Variants in FMO2 observed in about 807,000 individuals in gnomAD.
FMO2 encodes the protein flavin containing dimethylaniline monoxygenase 2.
Under a neutral mutation model 41.6 loss-of-function variants are expected in FMO2, and 33 were observed. The observed-to-expected ratio is 0.79, with a 90% confidence interval of 0.60 to 1.06. The LOEUF (loss-of-function observed/expected upper bound fraction) is 1.06, where lower values mean the gene tolerates loss of function less well. Among genes scored for constraint, FMO2 ranks in the 50% least tolerant of loss-of-function variants. The probability of loss-of-function intolerance (pLI) is 0.00; values close to 1 mark genes in which losing one functional copy is unlikely to be tolerated. For synonymous variants in FMO2, 214 were observed against 219.6 expected (o/e 0.97, Z 0.23); for missense variants, 619 against 632.9 (o/e 0.98, Z 0.23).
At chr1:171,187,161 G>A (rs900934595) in intron 2 of FMO2, among the ~76,000 whole-genome samples, 3 of 152,198 alleles carry the variant, frequency 2.0e-5, no homozygotes, top group African/African-American at 4.8e-5. Flanking sequence ...TTACAACCAT[G>A]CCCTAACTTG....
At chr1:171,201,623 C>T (rs997640211) in intron 5 of FMO2, among the ~76,000 whole-genome samples, 3 of 152,154 alleles carry the variant, frequency 2.0e-5, no homozygotes, top group Non-Finnish European at 4.4e-5. Context: ...AATCCAAAAG[C>T]ACCACTCAAG....
rs1239734951 is a variant in FMO2, at chr1:171,212,610, T to C, written c.*3465T>C. ...AAAAATAAAGATATTTTAAACAAAATACTAGGGCCATGGTATGTAATAAAA... is the reference window on the plus strand; with the variant it reads ...AAAAATAAAGATATTTTAAACAAAACACTAGGGCCATGGTATGTAATAAAA... On this transcript the variant is annotated 3_prime_UTR_variant, in exon 9 of 9. Transcript: ENST00000209929. Among the ~76,000 whole-genome samples the C allele has an allele frequency of 2.6e-5, 4 of 152,136 alleles. No homozygotes were observed. The highest frequency in any genetic ancestry group is 9.7e-5 in the African/African-American group (4 of 41,428).
chr1:171,189,089 T>C (rs900173885), intron 2 of FMO2: 14 of 152,326 alleles, frequency 9.2e-5, no homozygotes, highest in African/African-American at 3.4e-4. Flanking sequence ...TTCGGAGCTG[T>C]CACACTTAAT....
chr1:171,203,369 C>A (rs533591644), intron 5 of FMO2, among the ~76,000 whole-genome samples: 5 of 149,218 alleles, frequency 3.4e-5, no homozygotes, highest in African/African-American at 5.0e-5. Flanking sequence ...AAAATAAAGT[C>A]TTTTAAGTAT....
chr1:171,205,570 G>A lies in FMO2; in HGVS notation c.1119G>A (p.Gln373=), dbSNP rs760514234. The change falls in exon 7 of 9, where the codon CAG becomes CAA. Residue 373 remains glutamine (Q), a synonymous_variant. Coordinates refer to ENST00000209929, the MANE Select transcript of FMO2 (RefSeq NM_001460.5). ...KSTLACIGLI[Q]PLGSIFPTAE... ...CCCTCGCGTGCATTGGTCTCATCCA[G>A]CCCCTAGGTTCCATTTTCCCAACTG... 2 of 1,613,524 alleles carry A rather than the reference G, an allele frequency of 1.2e-6. No homozygotes were observed. The highest frequency in any genetic ancestry group is 1.7e-5 in the Admixed American group (1 of 59,898).
intron 2 of FMO2, among the ~76,000 whole-genome samples, chr1:171,191,945 G>GGAA (rs28369836): frequency 0.98 from 148,457 of 151,334 alleles, 72,825 homozygotes; most frequent in Middle Eastern, 1. Flanking sequence ...GGTTGAGGTG[G>GGAA]GATCACCTGA....
chr1:171,193,528 T>C lies in FMO2; in HGVS notation c.321+5T>C, dbSNP rs1329335417. Reference sequence around the variant, plus strand: ...CTAAAATATATTCAGTTCCAGGTATTGTATTTTTGGGGAAATGGGTTTCTC... The same window carrying C: ...CTAAAATATATTCAGTTCCAGGTATCGTATTTTTGGGGAAATGGGTTTCTC... On this transcript the variant is annotated splice_donor_5th_base_variant and intron_variant, in intron 3 of 8. Transcript: ENST00000209929. 1 of 1,577,950 alleles carries C rather than the reference T, an allele frequency of 6.3e-7. No homozygotes were observed. The highest frequency in any genetic ancestry group is 8.7e-7 in the Non-Finnish European group (1 of 1,153,046).
rs1657813488 is a variant in FMO2, at chr1:171,185,721, A to G, written c.8A>G (p.Lys3Arg). 6.2e-7 allele frequency: 1 copy of G among 1,613,738 alleles called. No homozygotes were observed. The highest frequency in any genetic ancestry group is 8.5e-7 in the Non-Finnish European group (1 of 1,179,716). The change falls in exon 2 of 9, where the codon AAG (lysine) becomes AGG (arginine). Residue 3 changes from lysine (K) to arginine (R), a missense_variant. Lys to Arg is a conservative substitution (Grantham distance 26). Coordinates refer to ENST00000209929, the MANE Select transcript of FMO2 (RefSeq NM_001460.5). MA[K>R]KVAVIGAGVS... is the part of the protein sequence containing the mutation. ...ACTCCTTGACAGGAGCTGATGGCAA[A>G]GAAGGTAGCTGTGATTGGAGCTGGG...
rs1411473352 is a variant in FMO2 at position 171,212,270 on chromosome 1, C to T, written c.*3125C>T. ...AGCAAGTTTGGCTCCCTCTTTTCCT[C>T]ACACACTCTTTTTCCCTTCTGCCTT... On this transcript the variant is annotated 3_prime_UTR_variant, in exon 9 of 9. Coordinates refer to ENST00000209929, the MANE Select transcript of FMO2 (RefSeq NM_001460.5). Among the ~76,000 whole-genome samples the T allele has an allele frequency of 1.3e-5, 2 of 152,172 alleles. No individual in the cohort carries two copies. Among genetic ancestry groups the T allele is most frequent in the Non-Finnish European group, 2.9e-5 (2 of 68,036 alleles).
Position 171,207,797 on chromosome 1 carries a change from A to AT in FMO2, c.1256+15dup, listed in dbSNP as rs772381520. 62 of 1,535,864 alleles carry AT rather than the reference A, an allele frequency of 4.0e-5. No individual in the cohort carries two copies. Among genetic ancestry groups the AT allele is most frequent in the Middle Eastern group, 3.4e-4 (2 of 5,910 alleles). ...ATGAAAAAAGAATTGACCTGTAAGA[A>AT]TTTTTTTTAATTCTTTACATGAAGC... On this transcript the variant is annotated splice_region_variant and intron_variant, in intron 8 of 8. Coordinates refer to ENST00000209929, the MANE Select transcript of FMO2 (RefSeq NM_001460.5).
intron 2 of FMO2, among the ~76,000 whole-genome samples, chr1:171,190,925 C>A (rs1229030120): frequency 3.3e-5 from 5 of 152,160 alleles, no homozygotes; most frequent in Non-Finnish European, 5.9e-5. Flanking sequence ...GCAGGTGGAT[C>A]ACCTGAGGTC....
At chr1:171,196,897 C>A in intron 4 of FMO2, 86 bp downstream of exon 4, 3 of 1,228,598 alleles carry the variant, frequency 2.4e-6, no homozygotes, top group South Asian at 1.4e-5. Context: ...GGATTCATTG[C>A]TGCAACTGGG....
Position 171,198,464 on chromosome 1 carries a change from G to A in FMO2, c.485-882G>A, listed in dbSNP as rs1236849164. Reference sequence around the variant, plus strand: ...ACTGTCACCCAGACTGGAGTGCAGTGGCACGATCTCAGCTCACTGCAACCT... The same window carrying A: ...ACTGTCACCCAGACTGGAGTGCAGTAGCACGATCTCAGCTCACTGCAACCT... On this transcript the variant is annotated intron_variant, in intron 4 of 8. Coordinates refer to ENST00000209929, the MANE Select transcript of FMO2 (RefSeq NM_001460.5). Among the ~76,000 whole-genome samples the A allele has an allele frequency of 2.7e-5, 4 of 149,992 alleles. No homozygotes were observed. In the East Asian group the frequency reaches 7.8e-4, roughly 29 times the overall value.
intron 4 of FMO2, among the ~76,000 whole-genome samples, chr1:171,197,352 T>G (rs1003663435): frequency 6.6e-6 from 1 of 152,196 alleles, no homozygotes; most frequent in African/African-American, 2.4e-5. Flanking sequence ...AGGCCTCATA[T>G]TAGAATCACC....
chr1:171,201,787 G>A (rs924474386), intron 5 of FMO2, among the ~76,000 whole-genome samples: 1 of 152,098 alleles, frequency 6.6e-6, no homozygotes, highest in Non-Finnish European at 1.5e-5. Context: ...CAATCATGAC[G>A]GAATGCACCT....
chr1:171,208,006 T>G (rs1658835596), intron 8 of FMO2, among the ~76,000 whole-genome samples: 1 of 152,186 alleles, frequency 6.6e-6, no homozygotes, highest in African/African-American at 2.4e-5. Flanking sequence ...AACCAAATAC[T>G]TAAAGATAAG....
At chr1:171,188,732 A>AATT (rs1225664563) in intron 2 of FMO2, among the ~76,000 whole-genome samples, 5 of 152,180 alleles carry the variant, frequency 3.3e-5, no homozygotes, top group African/African-American at 1.2e-4. Context: ...CACAACTCCT[A>AATT]CTGGGATTAC....
At chr1:171,197,843 C>T (rs1253079265) in intron 4 of FMO2, among the ~76,000 whole-genome samples, 1 of 152,220 alleles carries the variant, frequency 6.6e-6, no homozygotes, top group Non-Finnish European at 1.5e-5. Context: ...ATGCCCTATG[C>T]TGCCTTGGGA....
In FMO2 at chr1:171,189,654, C is replaced by CTTTTTTTTTTTTTTT. The variant is rs199536748; in HGVS notation, c.133-3677_133-3676insTTTTTTTTTTTTTTT. On this transcript the variant is annotated intron_variant, in intron 2 of 8. Transcript: ENST00000209929. ...ACAGAAATCTGAGCCCGTCTTTTTTCTTTTCTTTTTTTTTTTTTTTTTGAG... is the reference window on the plus strand; with the variant it reads ...ACAGAAATCTGAGCCCGTCTTTTTTCTTTTTTTTTTTTTTTTTTTCTTTTTTTTTTTTTTTTTGAG... Among the ~76,000 whole-genome samples, 151 of 122,732 alleles carry CTTTTTTTTTTTTTTT rather than the reference C, an allele frequency of 1.2e-3. 4 individuals carry two copies. Among genetic ancestry groups the CTTTTTTTTTTTTTTT allele is most frequent in the African/African-American group, 2.7e-3 (82 of 30,166 alleles). The allele number at this position is 122,732 out of a possible 152,430, so 80.5% of individuals were successfully genotyped here.
Sources: allele counts gnomAD v4.1 joint callset (sites outside exome capture counted in the v4.1 genomes callset), GRCh38; gene constraint gnomAD v4.1.1; transcripts MANE v1.5; gene names NCBI Gene and HGNC (gene_info 2026-07-23, HGNC 2026-07-21).